RPS6KA2: variants seen among roughly 807,000 people sequenced by gnomAD.
RPS6KA2 encodes the protein ribosomal protein S6 kinase A2.
A neutral mutation model predicts 91.8 loss-of-function variants in RPS6KA2; 42 were observed. The observed-to-expected ratio is 0.46, with a 90% CI of 0.36 to 0.59. RPS6KA2 has a LOEUF of 0.59. Ranked by LOEUF, RPS6KA2 falls within the 20% of genes least tolerant of loss-of-function variation. The pLI is 0.00. For synonymous variants in RPS6KA2, 414 were observed against 393.6 expected, an observed-to-expected ratio of 1.05 and a Z score of -0.61; for missense variants, 798 against 978.5, an observed-to-expected ratio of 0.82 and a Z score of 2.46.
At chr6:166,631,479 C>T (rs1787073475), upstream of RPS6KA2, among the ~76,000 whole-genome samples, 1 of 152,256 alleles carries the variant, frequency 6.6e-6, no homozygotes, top group Non-Finnish European at 1.5e-5. Context: ...TCACCTGCAA[C>T]ACCTCCCCCG....
chr6:166,783,628 A>G (rs76460446), intron 2 of RPS6KA2, among the ~76,000 whole-genome samples: 3,048 of 151,370 alleles, frequency 0.02, 81 homozygotes, highest in African/African-American at 0.068. Context: ...ACATATCTAT[A>G]ACTGCATATA....
intron 2 of RPS6KA2, among the ~76,000 whole-genome samples, chr6:166,778,887 T>C (rs1015025389): frequency 6.6e-6 from 1 of 152,124 alleles, no homozygotes; most frequent in African/African-American, 2.4e-5. Context: ...CTGGTGAGAG[T>C]TGGAGAAGCA....
intron 1 of RPS6KA2, among the ~76,000 whole-genome samples, chr6:166,625,702 C>T (rs1303286331): frequency 6.6e-6 from 1 of 152,176 alleles, no homozygotes; most frequent in Admixed American, 6.5e-5. Flanking sequence ...ATTTGCCTCA[C>T]TGGTGTGCTT....
chr6:166,861,394 C>A (rs1482179827), intron 1 of RPS6KA2, among the ~76,000 whole-genome samples: 1 of 152,112 alleles, frequency 6.6e-6, no homozygotes, highest in African/African-American at 2.4e-5. Flanking sequence ...ATTTGGGGAA[C>A]TTTCTCTTCT....
At chr6:166,734,350 C>T (rs1274528925) in intron 2 of RPS6KA2, among the ~76,000 whole-genome samples, 3 of 152,176 alleles carry the variant, frequency 2.0e-5, no homozygotes. Flanking sequence ...GACATGAATT[C>T]TCAACTCAAG....
intron 2 of RPS6KA2, among the ~76,000 whole-genome samples, chr6:166,695,712 T>C (rs9459717): frequency 1.3e-3 from 166 of 129,360 alleles, no homozygotes; most frequent in Non-Finnish European, 1.5e-3. Flanking sequence ...TGGATTCTCC[T>C]AGGAGCACTG....
chr6:166,447,512 C>T (rs960952919), intron 14 of RPS6KA2, among the ~76,000 whole-genome samples: 4 of 152,144 alleles, frequency 2.6e-5, no homozygotes, highest in African/African-American at 9.7e-5. Context: ...TCTTCTATGA[C>T]AGCAAAGCGT....
rs781467297 is a variant in RPS6KA2, at chr6:166,493,787, C to T, written c.748-3046G>A. Among the ~76,000 whole-genome samples the T allele has an allele frequency of 1.3e-5, 2 of 152,210 alleles. No homozygotes were observed. The highest frequency in any genetic ancestry group is 2.9e-5 in the Non-Finnish European group (2 of 68,030). On this transcript the variant is annotated intron_variant, in intron 8 of 20. Coordinates refer to ENST00000265678, the MANE Select transcript of RPS6KA2 (RefSeq NM_021135.6). This position sits in a 1 kb window ranked among gnomAD's most constrained non-coding sequence, Gnocchi z 4.7. ...GGAGCCCTGGTGCTACAGGCGTCCACTGAGGGAGGCACAGATGCTGCTAAA... is the reference window on the plus strand; with the variant it reads ...GGAGCCCTGGTGCTACAGGCGTCCATTGAGGGAGGCACAGATGCTGCTAAA...
intron 10 of RPS6KA2, among the ~76,000 whole-genome samples, chr6:166,476,726 CAA>C (rs1780988841): frequency 6.6e-6 from 1 of 152,012 alleles, no homozygotes; most frequent in Non-Finnish European, 1.5e-5. Context: ...GGGGAGACAC[CAA>C]GAGAGGACAG....
intron 2 of RPS6KA2, among the ~76,000 whole-genome samples, chr6:166,695,765 C>T (rs1789339214): frequency 6.6e-6 from 1 of 150,450 alleles, no homozygotes; most frequent in African/African-American, 2.5e-5. Flanking sequence ...GCACTGGATT[C>T]TCATAGGAGC....
chr6:166,412,799 C>T lies in RPS6KA2; in HGVS notation c.2165G>A (p.Arg722His), dbSNP rs1267156660. The T allele has an allele frequency of 5.0e-6, 8 of 1,595,004 alleles. No individual in the cohort carries two copies. Among genetic ancestry groups the T allele is most frequent in the South Asian group, 2.3e-5 (2 of 87,410 alleles). ...GGACGTGAGTCTCTTCATGCCTCTG[C>T]GCTGAGCCAGGTTGGATGACAGCAC... ...EPVLSSNLAQ[R>H]RGMKRLTSTR... Residue 722 changes from arginine (R) to histidine (H), a missense_variant, in exon 21 of 21, where the codon CGC becomes CAC. Coordinates refer to ENST00000265678, the MANE Select transcript of RPS6KA2 (RefSeq NM_021135.6). This position sits in a 1 kb window ranked among gnomAD's most constrained non-coding sequence, Gnocchi z 4.3.
chr6:166,443,837 C>T (rs529674661), intron 14 of RPS6KA2, among the ~76,000 whole-genome samples: 6 of 152,188 alleles, frequency 3.9e-5, no homozygotes, highest in East Asian at 3.9e-4. Flanking sequence ...TTTATGCATC[C>T]TGACATACCA....
At chr6:166,415,322 G>A (rs949560453) in intron 19 of RPS6KA2, among the ~76,000 whole-genome samples, 3 of 152,114 alleles carry the variant, frequency 2.0e-5, no homozygotes, top group East Asian at 3.8e-4. Flanking sequence ...CTCTTTTCAC[G>A]ATCTTATAGT....
chr6:166,592,144 G>T (rs1785374841), intron 1 of RPS6KA2, among the ~76,000 whole-genome samples: 1 of 152,240 alleles, frequency 6.6e-6, no homozygotes, highest in Admixed American at 6.5e-5. Flanking sequence ...CCAAATACCA[G>T]CAGAAAGAGA....
At chr6:166,461,582 T>TGGGGGAGGGGGA (rs1780302712) in intron 11 of RPS6KA2, among the ~76,000 whole-genome samples, 1 of 7,334 alleles carries the variant, frequency 1.4e-4, no homozygotes, top group South Asian at 6.7e-3. Flanking sequence ...AGGGGAGAAA[T>TGGGGGAGGGGGA]GGGGGAGGGG....
At chr6:166,822,409 T>C (rs949850683) in intron 2 of RPS6KA2, among the ~76,000 whole-genome samples, 4 of 151,910 alleles carry the variant, frequency 2.6e-5, no homozygotes, top group Non-Finnish European at 4.4e-5. Context: ...GACAACCAGG[T>C]GAGGACGCAG....
intron 2 of RPS6KA2, among the ~76,000 whole-genome samples, chr6:166,824,797 C>CTCTG (rs1780002122): frequency 7.4e-6 from 1 of 134,704 alleles, no homozygotes; most frequent in South Asian, 2.6e-4. Flanking sequence ...GTGTGTGTGT[C>CTCTG]TGTGTGTCTA....
At chr6:166,483,878 G>A (rs910985821) in intron 10 of RPS6KA2, among the ~76,000 whole-genome samples, 27 of 152,248 alleles carry the variant, frequency 1.8e-4, no homozygotes, top group African/African-American at 5.8e-4. Flanking sequence ...CATGAAGATC[G>A]GAGGAGATGA....
intron 2 of RPS6KA2, among the ~76,000 whole-genome samples, chr6:166,761,481 T>C (rs1316939111): frequency 1.3e-5 from 2 of 152,262 alleles, no homozygotes; most frequent in South Asian, 2.1e-4. Flanking sequence ...GTATTGGCTA[T>C]GGCTTTAAAA....
Sources: gnomAD v4.1 joint callset for allele counts (sites outside exome capture counted in the v4.1 genomes callset) on GRCh38, gnomAD v4.1.1 for gene constraint, Gnocchi (gnomAD v3.1) non-coding constraint, MANE v1.5 for transcripts, NCBI Gene and HGNC (gene_info 2026-07-23, HGNC 2026-07-21) for gene names.